The following CGGBP1 variants were observed in gnomAD, a reference collection of about 807,000 sequenced individuals.
CGGBP1 encodes the protein CGG triplet repeat-binding protein 1.
A neutral mutation model predicts 11.4 loss-of-function variants in CGGBP1; 4 were observed. The observed-to-expected ratio is 0.35, with a 90% CI of 0.17 to 0.80. The LOEUF is 0.80. Among genes scored for constraint, CGGBP1 ranks in the 30% least tolerant of loss-of-function variants. CGGBP1 has a pLI of 0.52. For synonymous variants in CGGBP1, 76 were observed against 74.1 expected, an observed-to-expected ratio of 1.03 and a Z score of -0.13; for missense variants, 135 against 202.1, an observed-to-expected ratio of 0.67 and a Z score of 2.01.
intron 2 of CGGBP1, among the ~76,000 whole-genome samples, chr3:88,093,358 A>G (rs1254749005): frequency 6.6e-6 from 1 of 152,188 alleles, no homozygotes; most frequent in Admixed American, 6.6e-5. Flanking sequence ...CTGCCTTCAC[A>G]GCCTCCTTTT....
chr3:88,122,217 A>G (rs1439510790), intron 2 of CGGBP1, among the ~76,000 whole-genome samples: 2 of 152,218 alleles, frequency 1.3e-5, no homozygotes, highest in African/African-American at 4.8e-5. Flanking sequence ...GACATGAGAA[A>G]TGGCATAGGT....
chr3:88,140,543 A>C, intron 2 of CGGBP1: 3 of 1,613,774 alleles, frequency 1.9e-6, no homozygotes, highest in Non-Finnish European at 2.5e-6. Flanking sequence ...TGATAGACCA[A>C]AAGATGCCTG....
chr3:88,142,808 G>C (rs1476248728), intron 1 of CGGBP1: 2 of 152,092 alleles, frequency 1.3e-5, no homozygotes, highest in African/African-American at 4.8e-5. Flanking sequence ...ATTTGCACAA[G>C]AACACAGTAA....
At chr3:88,065,819 G>C (rs1176637273) in intron 2 of CGGBP1, among the ~76,000 whole-genome samples, 1 of 152,006 alleles carries the variant, frequency 6.6e-6, no homozygotes, top group South Asian at 2.1e-4. Flanking sequence ...CTCCCTGTCC[G>C]GGGCTAAAGC....
At chr3:88,145,386 G>A (rs1429663932) in intron 1 of CGGBP1, among the ~76,000 whole-genome samples, 1 of 152,076 alleles carries the variant, frequency 6.6e-6, no homozygotes, top group African/African-American at 2.4e-5. Context: ...AACACTATGA[G>A]AGTGTTATTG....
intron 2 of CGGBP1, among the ~76,000 whole-genome samples, chr3:88,128,452 A>G (rs771819537): frequency 3.9e-5 from 6 of 152,114 alleles, no homozygotes; most frequent in Non-Finnish European, 7.4e-5. Flanking sequence ...CAGTAAGAAG[A>G]TAAAGTATGT....
At chr3:88,105,224 C>T (rs575614016) in intron 2 of CGGBP1, among the ~76,000 whole-genome samples, 1 of 152,300 alleles carries the variant, frequency 6.6e-6, no homozygotes, top group South Asian at 2.1e-4. Flanking sequence ...CAAGGTCCAA[C>T]TAACAAATAA....
chr3:88,092,669 A>G (rs1703815392), intron 2 of CGGBP1, among the ~76,000 whole-genome samples: 1 of 152,280 alleles, frequency 6.6e-6, no homozygotes, highest in Non-Finnish European at 1.5e-5. Flanking sequence ...TTTGCTTGAC[A>G]TATGAAGTTT....
chr3:88,115,987 C>G (rs1469512887), intron 2 of CGGBP1, among the ~76,000 whole-genome samples: 1 of 152,068 alleles, frequency 6.6e-6, no homozygotes, highest in Non-Finnish European at 1.5e-5. Context: ...TGCGATGAAA[C>G]AGGGAAATGT....
intron 2 of CGGBP1, among the ~76,000 whole-genome samples, chr3:88,119,789 T>G (rs1266004988): frequency 1.3e-5 from 2 of 152,200 alleles, no homozygotes; most frequent in African/African-American, 4.8e-5. Flanking sequence ...ATAGCCATAT[T>G]AATTCATTAC....
chr3:88,053,296 T>C lies in CGGBP1; in HGVS notation c.*2177A>G, dbSNP rs1446468386. 4 of 152,044 alleles carry C rather than the reference T, an allele frequency of 2.6e-5. No individual in the cohort carries two copies. The South Asian group carries it at 8.3e-4, about 32-fold the overall frequency. The allele number at this position is 152,044 out of a possible 1,614,324, so 9.4% of individuals were successfully genotyped here. On this transcript the variant is annotated 3_prime_UTR_variant, in exon 4 of 4. Coordinates refer to ENST00000482016, the MANE Select transcript of CGGBP1 (RefSeq NM_001008390.2). Reference sequence around the variant, plus strand: ...CAGGGAACAAAAGTTCCATAATCAATGAAGAAACATTAATACCAAATCCCC... The same window carrying C: ...CAGGGAACAAAAGTTCCATAATCAACGAAGAAACATTAATACCAAATCCCC...
chr3:88,074,155 A>C (rs79479380), intron 2 of CGGBP1, among the ~76,000 whole-genome samples: 6 of 152,310 alleles, frequency 3.9e-5, no homozygotes, highest in East Asian at 1.9e-4. Flanking sequence ...AAAGACATTA[A>C]GATCCCAAAT....
At chr3:88,134,697 T>C (rs1706667174) in intron 2 of CGGBP1, among the ~76,000 whole-genome samples, 2 of 152,118 alleles carry the variant, frequency 1.3e-5, no homozygotes, top group African/African-American at 4.8e-5. Flanking sequence ...TACAACATTG[T>C]TTTCTAAATT....
At chr3:88,077,403 G>A (rs376724273) in intron 2 of CGGBP1, among the ~76,000 whole-genome samples, 3 of 149,598 alleles carry the variant, frequency 2.0e-5, no homozygotes, top group East Asian at 3.9e-4. Flanking sequence ...GCGCGATCTC[G>A]GCTCACTGCA....
At chr3:88,129,684 C>A in intron 2 of CGGBP1, 1 of 1,464,796 alleles carries the variant, frequency 6.8e-7, no homozygotes, top group East Asian at 2.5e-5. Context: ...TTTCCTCTTA[C>A]AGCATTTATT....
intron 2 of CGGBP1, among the ~76,000 whole-genome samples, chr3:88,098,481 T>C (rs1704199524): frequency 6.6e-6 from 1 of 152,208 alleles, no homozygotes; most frequent in Non-Finnish European, 1.5e-5. Context: ...ACTCTTTTTA[T>C]GAGGCCAGCA....
chr3:88,084,822 T>TA, intron 2 of CGGBP1, among the ~76,000 whole-genome samples: 2 of 152,318 alleles, frequency 1.3e-5, no homozygotes, highest in Admixed American at 1.3e-4. Flanking sequence ...TCAAGTCTCA[T>TA]ACAGTTGACA....
chr3:88,144,425 T>G (rs537202513), intron 1 of CGGBP1: 7 of 152,548 alleles, frequency 4.6e-5, no homozygotes, highest in Non-Finnish European at 8.8e-5. Flanking sequence ...CTTTTCAGAA[T>G]GAGTAAATGC....
intron 2 of CGGBP1, among the ~76,000 whole-genome samples, chr3:88,110,786 G>C (rs907620333): frequency 6.6e-6 from 1 of 152,074 alleles, no homozygotes; most frequent in African/African-American, 2.4e-5. Flanking sequence ...CTAATTCTAC[G>C]TGTATTTCAG....
Sources: allele counts gnomAD v4.1 joint callset (sites outside exome capture counted in the v4.1 genomes callset), GRCh38; gene constraint gnomAD v4.1.1; transcripts MANE v1.5; gene names NCBI Gene and HGNC (gene_info 2026-07-23, HGNC 2026-07-21).